The following ADAT3 variants were observed in gnomAD, a reference collection of about 807,000 sequenced individuals.
ADAT3 encodes the protein tRNA-specific adenosine-34 deaminase regulatory subunit ADAT3.
ADAT3 carries 2 observed loss-of-function variants against 3.5 expected under a neutral mutation model. That is an observed-to-expected ratio of 0.57 (90% CI 0.23 to 1.79). ADAT3 has a LOEUF of 1.79. Among genes scored for constraint, ADAT3 ranks in the 40% most tolerant of loss-of-function variants. The pLI is 0.18. For missense variants in ADAT3, 735 were observed against 571.4 expected (o/e 1.29, Z -2.92); for synonymous variants, 358 against 270.3 (o/e 1.32, Z -3.18).
At chr19:1,906,409 C>T (rs747558782) in intron 1 of ADAT3, 4 of 151,536 alleles carry the variant, frequency 2.6e-5, no homozygotes, top group Non-Finnish European at 5.9e-5. Context: ...CATGGTGACA[C>T]ATGTCTGTGG....
intron 1 of ADAT3, among the ~76,000 whole-genome samples, chr19:1,911,647 G>A (rs1168406413): frequency 1.3e-5 from 2 of 152,192 alleles, no homozygotes; most frequent in Non-Finnish European, 1.5e-5. Context: ...GTCGGGCGTG[G>A]TGGCGCATGC....
rs750783340 is a variant in ADAT3 at position 1,912,169 on chromosome 19, C to A, written c.122C>A (p.Pro41Gln). ...GGGAGCCCGGAGCCTGAGCCGGCGC[C>A]GTGGCAGGCCCTCCCTGTCCTGTCC... ...EAGSPEPEPAPWQALPVLSEK... is the reference protein window; with the variant it reads ...EAGSPEPEPAQWQALPVLSEK... The change falls in exon 2 of 2, where the codon CCG becomes CAG. Residue 41 changes from proline (P) to glutamine (Q), a missense_variant. Physicochemically the swap from Pro to Gln is moderately conservative, Grantham distance 76 (BLOSUM62 -1). Coordinates refer to ENST00000329478, the MANE Select transcript of ADAT3 (RefSeq NM_138422.4). 1.3e-6 allele frequency: 2 copies of A among 1,574,878 alleles called. No individual in the cohort carries two copies. The highest frequency in any genetic ancestry group is 2.3e-5 in the East Asian group (1 of 43,210).
rs556261133 is a variant in ADAT3 at position 1,912,969 on chromosome 19, G to A, written c.922G>A (p.Ala308Thr). 476 of 1,609,698 alleles carry A rather than the reference G, an allele frequency of 3.0e-4. 11 individuals are homozygous for A. The South Asian group carries it at 5.0e-3, about 17-fold the overall frequency. Residue 308 changes from alanine (A) to threonine (T), a missense_variant, in exon 2 of 2, where the codon GCC (alanine) becomes ACC (threonine). Physicochemically the swap from Ala to Thr is moderately conservative, Grantham distance 58. Coordinates refer to ENST00000329478, the MANE Select transcript of ADAT3 (RefSeq NM_138422.4). Reference sequence around the variant, plus strand: ...CCTGTACGTGACCCGCGAGCCCTGCGCCATGTGCGCCATGGCCCTGGTGCA... The same window carrying A: ...CCTGTACGTGACCCGCGAGCCCTGCACCATGTGCGCCATGGCCCTGGTGCA... ...YDLYVTREPCAMCAMALVHAR... is the reference protein window; with the variant it reads ...YDLYVTREPCTMCAMALVHAR...
chr19:1,906,064 C>T (rs549084325), intron 1 of ADAT3: 6 of 152,346 alleles, frequency 3.9e-5, no homozygotes, highest in East Asian at 3.9e-4. Flanking sequence ...GGATCGACTC[C>T]GTGGAAACAA....
intron 1 of ADAT3, among the ~76,000 whole-genome samples, chr19:1,911,006 G>T (rs2013414762): frequency 6.6e-6 from 1 of 152,064 alleles, no homozygotes; most frequent in South Asian, 2.1e-4. Context: ...CTCCCTAGTA[G>T]CTGGGACTAC....
chr19:1,912,926 C>T lies in ADAT3; in HGVS notation c.879C>T (p.Tyr293=), dbSNP rs139243197. ...KLDADEDGLP[Y]LCTGYDLYVT... ...ACGCAGACGAGGACGGCCTCCCCTA[C>T]CTGTGCACTGGCTACGACCTGTACG... The change falls in exon 2 of 2, where the codon TAC becomes TAT. Residue 293 remains tyrosine, a synonymous_variant. Coordinates refer to ENST00000329478, the MANE Select transcript of ADAT3 (RefSeq NM_138422.4). 79 of 1,610,180 alleles carry T rather than the reference C, an allele frequency of 4.9e-5. No homozygotes were observed. The highest frequency in any genetic ancestry group is 5.2e-5 in the Non-Finnish European group (61 of 1,179,346).
Position 1,912,547 on chromosome 19 carries a change from A to G in ADAT3, c.500A>G (p.His167Arg). The stretch of plus-strand genomic sequence containing the variant: ...CGGGCCCACTGGCCCACGTCCTTCC[A>G]CGAGGACAAGCAGGTGACCAGCGCC... ...EARAHWPTSF[H>R]EDKQVTSALA... is the part of the protein sequence containing the mutation. The change falls in exon 2 of 2, where the codon CAC becomes CGC. Residue 167 changes from histidine (H) to arginine (R), a missense_variant. Coordinates refer to ENST00000329478, the MANE Select transcript of ADAT3 (RefSeq NM_138422.4). 6.7e-7 allele frequency: 1 copy of G among 1,500,754 alleles called. No homozygotes were observed. The highest frequency in any genetic ancestry group is 8.8e-7 in the Non-Finnish European group (1 of 1,131,964). 93.0% of individuals were successfully genotyped at this position (1,500,754 alleles called of 1,614,324 possible). A position where few individuals can be genotyped will look rare whatever the true frequency, so the allele number is the denominator to read the frequency against.
Position 1,913,199 on chromosome 19 carries a change from G to A in ADAT3, c.*48G>A, listed in dbSNP as rs1187826787. 4.8e-6 allele frequency: 7 copies of A among 1,466,278 alleles called. No individual in the cohort carries two copies. Among genetic ancestry groups the A allele is most frequent in the Admixed American group, 5.0e-5 (2 of 40,312 alleles). 90.8% of individuals were successfully genotyped at this position (1,466,278 alleles called of 1,614,324 possible). A position where few individuals can be genotyped will look rare whatever the true frequency, so the allele number is the denominator to read the frequency against. ...CCCTTCCCGCTCCCGGCCGTGGGGC[G>A]CCCCTCCTGGACTTCCGGGCCTCGA... is the stretch of plus-strand genomic sequence containing the variant. On this transcript the variant is annotated 3_prime_UTR_variant, in exon 2 of 2. Transcript: ENST00000329478.
intron 1 of ADAT3, chr19:1,905,657 C>G (rs1568757176): frequency 1.3e-5 from 2 of 158,104 alleles, no homozygotes; most frequent in African/African-American, 4.8e-5. Context: ...CGGCGCTGGC[C>G]TGGGGGAAGC....
At chr19:1,910,575 CTTTTTT>C (rs11350651) in intron 1 of ADAT3, among the ~76,000 whole-genome samples, 3 of 95,088 alleles carry the variant, frequency 3.2e-5, no homozygotes, top group Non-Finnish European at 4.4e-5. Context: ...TTTGAGGTGT[CTTTTTT>C]TTTTTTTTTT....
At chr19:1,907,683 C>G (rs1016396051) in intron 1 of ADAT3, among the ~76,000 whole-genome samples, 17 of 152,156 alleles carry the variant, frequency 1.1e-4, no homozygotes, top group Non-Finnish European at 2.9e-5. Flanking sequence ...TATGCCGGTT[C>G]CCAGCCCAGG....
intron 1 of ADAT3, among the ~76,000 whole-genome samples, chr19:1,910,866 C>T (rs1157278395): frequency 1.3e-5 from 2 of 149,516 alleles, no homozygotes; most frequent in African/African-American, 5.0e-5. Flanking sequence ...TAAGCCACCA[C>T]GCCTGGCTTT....
In ADAT3 at chr19:1,913,063, T is replaced by C. The variant is rs2013580170; in HGVS notation, c.1016T>C (p.Ile339Thr). 6.2e-7 allele frequency: 1 copy of C among 1,602,688 alleles called. No homozygotes were observed. ...PDGALGTRFRIHARPDLNHRF... is the reference protein window; with the variant it reads ...PDGALGTRFRTHARPDLNHRF... ...GGCGCCCTGGGCACCCGCTTCCGCATCCACGCACGGCCCGACCTCAACCAC... is the reference window on the plus strand; with the variant it reads ...GGCGCCCTGGGCACCCGCTTCCGCACCCACGCACGGCCCGACCTCAACCAC... Residue 339 changes from isoleucine (I) to threonine (T), a missense_variant, in exon 2 of 2, where the codon ATC becomes ACC. Coordinates refer to ENST00000329478, the MANE Select transcript of ADAT3 (RefSeq NM_138422.4).
chr19:1,911,683 T>C (rs754628485), intron 1 of ADAT3, among the ~76,000 whole-genome samples: 90 of 152,292 alleles, frequency 5.9e-4, no homozygotes, highest in Non-Finnish European at 8.1e-4. Flanking sequence ...CTCTGGAGGC[T>C]GAGGCATGAG....
chr19:1,905,400 A>G lies in ADAT3; in HGVS notation c.-198A>G, dbSNP rs1479590405. The stretch of plus-strand genomic sequence containing the variant: ...GTGGGTTGGGCCGGGCCGGTTGCTA[A>G]GACTTGGCGAAGCGCTGCGCTCGCG... On this transcript the variant is annotated 5_prime_UTR_variant, in exon 1 of 2. Transcript: ENST00000329478. 3 of 464,074 alleles carry G rather than the reference A, an allele frequency of 6.5e-6. No homozygotes were observed. The highest frequency in any genetic ancestry group is 1.3e-5 in the Non-Finnish European group (3 of 224,114). 28.7% of individuals were successfully genotyped at this position (464,074 alleles called of 1,614,324 possible).
rs2013240357 is a variant in ADAT3 at position 1,908,202 on chromosome 19, C to T, written c.-159+2763C>T. Reference sequence around the variant, plus strand: ...GTCGGCTGCTATGGGCCCCACCTGGCACGGGGCCTCGGGCAGCGGCAGCAC... The same window carrying T: ...GTCGGCTGCTATGGGCCCCACCTGGTACGGGGCCTCGGGCAGCGGCAGCAC... On this transcript the variant is annotated intron_variant, in intron 1 of 1. Coordinates refer to ENST00000329478, the MANE Select transcript of ADAT3 (RefSeq NM_138422.4). This position sits in a 1 kb window ranked among gnomAD's most constrained non-coding sequence, Gnocchi z 4.2. 1 of 274,632 alleles carries T rather than the reference C, an allele frequency of 3.6e-6. No homozygotes were observed. The highest frequency in any genetic ancestry group is 7.2e-6 in the Non-Finnish European group (1 of 138,730). 17.0% of individuals were successfully genotyped at this position (274,632 alleles called of 1,614,324 possible). A position where few individuals can be genotyped will look rare whatever the true frequency, so the allele number is the denominator to read the frequency against.
chr19:1,912,218 G>T lies in ADAT3; in HGVS notation c.171G>T (p.Glu57Asp). 6.3e-7 allele frequency: 1 copy of T among 1,593,942 alleles called. No homozygotes were observed. Among genetic ancestry groups the T allele is most frequent in the Non-Finnish European group, 8.5e-7 (1 of 1,173,380 alleles). The change falls in exon 2 of 2, where the codon GAG (glutamate) becomes GAT (aspartate). Residue 57 changes from glutamate (E) to aspartate (D), a missense_variant. Physicochemically the swap from Glu to Asp is conservative, Grantham distance 45 (BLOSUM62 2). Coordinates refer to ENST00000329478, the MANE Select transcript of ADAT3 (RefSeq NM_138422.4). The stretch of plus-strand genomic sequence containing the variant: ...CCGAGAAGCAGTCAGGGGACGTGGA[G>T]CTGGTGCTGGCCTACGCCGCGCCCG... ...VLSEKQSGDV[E>D]LVLAYAAPVL...
chr19:1,905,746 C>T (rs977859374), intron 1 of ADAT3: 1 of 152,376 alleles, frequency 6.6e-6, no homozygotes, highest in Non-Finnish European at 1.5e-5. Context: ...ACCCCGTATC[C>T]TCCAGCTGCT....
At position 1,912,728 on chromosome 19, in the gene ADAT3, C is replaced by T. The variant is rs2013539002; in HGVS notation, c.681C>T (p.Gly227=). 6.5e-7 allele frequency: 1 copy of T among 1,530,436 alleles called. No individual in the cohort carries two copies. The highest frequency in any genetic ancestry group is 1.4e-5 in the African/African-American group (1 of 71,226). The allele number at this position is 1,530,436 out of a possible 1,614,324, so 94.8% of individuals were successfully genotyped here. Residue 227 remains glycine, a synonymous_variant, in exon 2 of 2, where the codon GGC becomes GGT. Coordinates refer to ENST00000329478, the MANE Select transcript of ADAT3 (RefSeq NM_138422.4). ...CCTCGGACCGCGTGCTGGCCACCGGCCACGACTGCAGCTGCGCGGACAACC... is the reference window on the plus strand; with the variant it reads ...CCTCGGACCGCGTGCTGGCCACCGGTCACGACTGCAGCTGCGCGGACAACC... ...DPASDRVLAT[G]HDCSCADNPL... is the part of the protein sequence containing the mutation.
Sources: allele counts gnomAD v4.1 joint callset (sites outside exome capture counted in the v4.1 genomes callset), GRCh38; gene constraint gnomAD v4.1.1; non-coding constraint Gnocchi (gnomAD v3.1); transcripts MANE v1.5; gene names NCBI Gene and HGNC (gene_info 2026-07-23, HGNC 2026-07-21).